NAALAD2: variants seen among roughly 807,000 people sequenced by gnomAD.
The protein encoded by NAALAD2 is N-acetylated alpha-linked acidic dipeptidase 2, also known as N-acetylated-alpha-linked acidic dipeptidase 2.
NAALAD2 carries 89 observed loss-of-function variants against 95.6 expected under a neutral mutation model. That is an observed-to-expected ratio of 0.93 (90% CI 0.78 to 1.11). The LOEUF is 1.11. Among genes scored for constraint, NAALAD2 ranks in the 50% least tolerant of loss-of-function variants. The pLI is 0.00. For missense variants in NAALAD2, 894 were observed against 872.4 expected (o/e 1.02, Z -0.31); for synonymous variants, 264 against 294.4 (o/e 0.90, Z 1.06).
At chr11:90,189,891 G>C (rs1857273193) in intron 18 of NAALAD2, among the ~76,000 whole-genome samples, 1 of 152,184 alleles carries the variant, frequency 6.6e-6, no homozygotes, top group Non-Finnish European at 1.5e-5. Context: ...CTGCTCAGTA[G>C]TTCTTGATGC....
intron 6 of NAALAD2, among the ~76,000 whole-genome samples, chr11:90,156,331 G>A (rs746772067): frequency 2.0e-5 from 3 of 151,882 alleles, no homozygotes; most frequent in Non-Finnish European, 4.4e-5. Context: ...CAAAGTGCTG[G>A]GATTACACAC....
chr11:90,168,906 T>G (rs1952554116), intron 11 of NAALAD2, 23 bp from the exon 12 acceptor site: 2 of 1,578,178 alleles, frequency 1.3e-6, no homozygotes, highest in South Asian at 2.3e-5. Context: ...GTGAATTAAG[T>G]AACAACTTTG....
At chr11:90,175,476 CAT>C (rs1261053832) in intron 14 of NAALAD2, among the ~76,000 whole-genome samples, 2 of 152,118 alleles carry the variant, frequency 1.3e-5, no homozygotes, top group African/African-American at 4.8e-5. Flanking sequence ...GTTTCCTAAT[CAT>C]ATGCAAAGAA....
At position 90,149,013 on chromosome 11, in the gene NAALAD2, AAAC is replaced by A. The variant is rs1951821649; in HGVS notation, c.391_393del (p.Thr131del). 1.3e-6 allele frequency: 2 copies of A among 1,583,794 alleles called. No individual in the cohort carries two copies. Among genetic ancestry groups the A allele is most frequent in the East Asian group, 4.5e-5 (2 of 44,082 alleles). ...TATTTTAATTCTTGCTAGATTTTCA[AAAC>A]ATCATACCTTGAACCACCACCAGAT... On this transcript the variant is annotated inframe_deletion, in exon 4 of 19. Coordinates refer to ENST00000534061, the MANE Select transcript of NAALAD2 (RefSeq NM_005467.4).
At chr11:90,149,357 T>G (rs1362229849) in intron 4 of NAALAD2, among the ~76,000 whole-genome samples, 3 of 152,142 alleles carry the variant, frequency 2.0e-5, no homozygotes, top group Non-Finnish European at 4.4e-5. Flanking sequence ...CAGTTGCCAC[T>G]CTCTGAAATA....
At chr11:90,184,311 A>G in intron 18 of NAALAD2, among the ~76,000 whole-genome samples, 1 of 152,294 alleles carries the variant, frequency 6.6e-6, no homozygotes, top group African/African-American at 2.4e-5. Flanking sequence ...TTATTTTTCT[A>G]AGCTTCAGAT....
At chr11:90,163,750 T>A (rs1262354871) in intron 11 of NAALAD2, 133 bp downstream of exon 11, 1 of 869,030 alleles carries the variant, frequency 1.2e-6, no homozygotes, top group South Asian at 1.5e-5. Context: ...CAAGACAATT[T>A]AAGAAATAGT....
At chr11:90,153,637 G>A (rs371591902) in intron 6 of NAALAD2, among the ~76,000 whole-genome samples, 81 of 152,128 alleles carry the variant, frequency 5.3e-4, no homozygotes, top group African/African-American at 1.9e-3. Context: ...AAATCAATTT[G>A]GGGAGAATTG....
At chr11:90,178,534 G>A (rs10830433) in intron 16 of NAALAD2, among the ~76,000 whole-genome samples, 20,939 of 152,018 alleles carry the variant, frequency 0.14, 2,109 homozygotes, top group Admixed American at 0.31. Context: ...AGCTGGGCAT[G>A]GTGGTGGGCG....
At chr11:90,159,635 A>T (rs10830425) in intron 8 of NAALAD2, among the ~76,000 whole-genome samples, 68,695 of 151,906 alleles carry the variant, frequency 0.45, 16,597 homozygotes, top group African/African-American at 0.62. Flanking sequence ...CAAATAACTT[A>T]CAAAATGATA....
chr11:90,179,930 C>A (rs573448871), intron 16 of NAALAD2, among the ~76,000 whole-genome samples: 2 of 152,088 alleles, frequency 1.3e-5, no homozygotes, highest in South Asian at 2.1e-4. Context: ...ATTAATTATT[C>A]TTATAGCTTT....
At chr11:90,146,343 ATTTTTTTTTTTTTTTTT>A (rs71477596) in intron 2 of NAALAD2, among the ~76,000 whole-genome samples, 3 of 47,946 alleles carry the variant, frequency 6.3e-5, no homozygotes, top group East Asian at 7.4e-4. Flanking sequence ...GGGGAGTTTA[ATTTTTTTTTTTTTTTTT>A]TTTTTTTTTT....
chr11:90,189,906 T>TA (rs1188610019), intron 18 of NAALAD2, among the ~76,000 whole-genome samples: 4 of 152,210 alleles, frequency 2.6e-5, no homozygotes, highest in African/African-American at 9.6e-5. Context: ...TGATGCCTCT[T>TA]AAAAATTCAG....
chr11:90,178,345 G>A (rs1324061353), intron 16 of NAALAD2, among the ~76,000 whole-genome samples: 3 of 152,120 alleles, frequency 2.0e-5, no homozygotes, highest in East Asian at 1.9e-4. Context: ...ACATTGGGAT[G>A]GTAAACATTT....
chr11:90,167,905 G>A (rs1331930873), intron 11 of NAALAD2, among the ~76,000 whole-genome samples: 1 of 152,186 alleles, frequency 6.6e-6, no homozygotes, highest in Admixed American at 6.5e-5. Context: ...GGACCAGTCA[G>A]CAGGATGTGG....
At chr11:90,138,725 CTTTTTTTTTTTTTTTTT>C (rs562496549) in intron 2 of NAALAD2, among the ~76,000 whole-genome samples, 14 of 61,532 alleles carry the variant, frequency 2.3e-4, no homozygotes, top group African/African-American at 5.1e-4. Context: ...CATCCCTCAA[CTTTTTTTTTTTTTTTTT>C]TTTTTTTTTT....
At chr11:90,167,051 G>C (rs1195473720) in intron 11 of NAALAD2, among the ~76,000 whole-genome samples, 1 of 152,188 alleles carries the variant, frequency 6.6e-6, no homozygotes, top group Admixed American at 6.5e-5. Context: ...GCCCTCGCTC[G>C]CTCTCGGCGC....
intron 4 of NAALAD2, among the ~76,000 whole-genome samples, chr11:90,149,694 T>C (rs1951838590): frequency 6.6e-6 from 1 of 152,004 alleles, no homozygotes; most frequent in South Asian, 2.1e-4. Context: ...TGCCTCAGCC[T>C]CCCAAAGTGC....
intron 2 of NAALAD2, among the ~76,000 whole-genome samples, chr11:90,146,362 T>A (rs1951751129): frequency 8.1e-6 from 1 of 122,730 alleles, no homozygotes; most frequent in Admixed American, 8.3e-5. Flanking sequence ...TTTTTTTTTT[T>A]TTTTTTTTTT....
Sources: gnomAD v4.1 joint callset for allele counts (sites outside exome capture counted in the v4.1 genomes callset) on GRCh38, gnomAD v4.1.1 for gene constraint, MANE v1.5 for transcripts, NCBI Gene and HGNC (gene_info 2026-07-23, HGNC 2026-07-21) for gene names.